The following AGBL4 variants were observed in gnomAD, a reference collection of about 807,000 sequenced individuals.
The protein encoded by AGBL4 is AGBL carboxypeptidase 4.
In AGBL4, 58 loss-of-function variants were observed where a neutral mutation model predicts 66.4. The observed-to-expected ratio is 0.87, with a 90% CI of 0.71 to 1.09. The LOEUF (loss-of-function observed/expected upper bound fraction) is 1.09, where lower values mean the gene tolerates loss of function less well. Ranked by LOEUF, AGBL4 falls within the 50% of genes least tolerant of loss-of-function variation. AGBL4 has a pLI of 0.00. For synonymous variants in AGBL4, 234 were observed against 222.9 expected (o/e 1.05, Z -0.44); for missense variants, 579 against 631.0 (o/e 0.92, Z 0.88).
At chr1:48,935,996 G>C (rs55662203) in intron 5 of AGBL4, among the ~76,000 whole-genome samples, 57 of 43,536 alleles carry the variant, frequency 1.3e-3, no homozygotes, top group Admixed American at 4.7e-3. Context: ...AAAAAAAAAA[G>C]ATACAAGATG....
chr1:48,633,033 G>A (rs534191520), intron 9 of AGBL4, among the ~76,000 whole-genome samples: 1 of 152,268 alleles, frequency 6.6e-6, no homozygotes, highest in South Asian at 2.1e-4. Context: ...TGGATTTGGT[G>A]AGCACAGTTC....
intron 6 of AGBL4, among the ~76,000 whole-genome samples, chr1:48,721,988 T>C (rs1263917944): frequency 2.6e-5 from 4 of 152,202 alleles, no homozygotes; most frequent in Non-Finnish European, 5.9e-5. Context: ...AATGGAATTA[T>C]GTTACAGTTT....
At chr1:49,310,806 TAAAA>T (rs902638258) in intron 3 of AGBL4, among the ~76,000 whole-genome samples, 1 of 150,850 alleles carries the variant, frequency 6.6e-6, no homozygotes, top group East Asian at 1.9e-4. Flanking sequence ...TTATTCTAAG[TAAAA>T]AAAAACTCAA....
At chr1:49,510,206 A>T (rs1021944522) in intron 3 of AGBL4, among the ~76,000 whole-genome samples, 2 of 152,022 alleles carry the variant, frequency 1.3e-5, no homozygotes, top group African/African-American at 4.8e-5. Flanking sequence ...CCAACAGTGT[A>T]AAAGTGTTCC....
At position 49,808,319 on chromosome 1, in the gene AGBL4, G is replaced by A. The variant is rs975509030; in HGVS notation, c.157+43077C>T. 3.9e-5 allele frequency among the ~76,000 whole-genome samples: 6 copies of A among 152,076 alleles called. No individual in the cohort carries two copies. In the South Asian group the frequency reaches 6.2e-4, roughly 16 times the overall value. On this transcript the variant is annotated intron_variant, in intron 2 of 13. Coordinates refer to ENST00000371839, the MANE Select transcript of AGBL4 (RefSeq NM_032785.4). ...AATTTGGATTTCTTGTTTGAGTGAC[G>A]GGGTGGATGAGGATGTCTATAGATT...
chr1:49,793,160 G>C (rs986716579), intron 2 of AGBL4, among the ~76,000 whole-genome samples: 18 of 151,902 alleles, frequency 1.2e-4, no homozygotes, highest in African/African-American at 4.3e-4. Flanking sequence ...AAAAATATCA[G>C]ATCTATGAGA....
intron 3 of AGBL4, among the ~76,000 whole-genome samples, chr1:49,364,222 A>C (rs1644198309): frequency 6.6e-6 from 1 of 152,190 alleles, no homozygotes; most frequent in East Asian, 1.9e-4. Flanking sequence ...AAATACATTT[A>C]GTGTATATGC....
chr1:49,486,941 TA>T (rs1199934306), intron 3 of AGBL4, among the ~76,000 whole-genome samples: 1 of 151,958 alleles, frequency 6.6e-6, no homozygotes, highest in African/African-American at 2.4e-5. Flanking sequence ...GACATAACTA[TA>T]AAAGAAATGC....
At chr1:49,546,228 C>T (rs185153038) in intron 3 of AGBL4, among the ~76,000 whole-genome samples, 2 of 151,924 alleles carry the variant, frequency 1.3e-5, no homozygotes, top group East Asian at 1.9e-4. Flanking sequence ...TTTTTTATGG[C>T]TGAGTAGTAT....
At chr1:48,988,159 C>T (rs1660319101) in intron 5 of AGBL4, among the ~76,000 whole-genome samples, 1 of 152,064 alleles carries the variant, frequency 6.6e-6, no homozygotes, top group Non-Finnish European at 1.5e-5. Flanking sequence ...ATGGAACCTA[C>T]CTCTACCGTT....
At chr1:48,786,094 A>G (rs140887772) in intron 6 of AGBL4, among the ~76,000 whole-genome samples, 106 of 152,276 alleles carry the variant, frequency 7.0e-4, no homozygotes, top group African/African-American at 2.3e-3. Flanking sequence ...AGGTTAAGTC[A>G]TCTCAGAAGT....
intron 1 of AGBL4, among the ~76,000 whole-genome samples, chr1:49,914,061 T>G (rs539745806): frequency 6.6e-6 from 1 of 152,218 alleles, no homozygotes; most frequent in South Asian, 2.1e-4. Flanking sequence ...CTTCTAGCCA[T>G]GGTAATCTCT....
rs544214410 is a variant in AGBL4, at chr1:49,825,329, T to C, written c.157+26067A>G. 4.6e-5 allele frequency among the ~76,000 whole-genome samples: 7 copies of C among 151,956 alleles called. No homozygotes were observed. In the South Asian group the frequency reaches 1.5e-3, roughly 32 times the overall value. On this transcript the variant is annotated intron_variant, in intron 2 of 13. Coordinates refer to ENST00000371839, the MANE Select transcript of AGBL4 (RefSeq NM_032785.4). Reference sequence around the variant, plus strand: ...AGGAATAGGACACAAGAAGAAGGAGTAGGAAGGGGACAAAAAATTTATGTT... The same window carrying C: ...AGGAATAGGACACAAGAAGAAGGAGCAGGAAGGGGACAAAAAATTTATGTT...
chr1:48,711,333 G>A (rs1410160843), intron 6 of AGBL4, among the ~76,000 whole-genome samples: 2 of 152,198 alleles, frequency 1.3e-5, no homozygotes, highest in Non-Finnish European at 2.9e-5. Flanking sequence ...AACTGAACAA[G>A]TGCTTTAATG....
chr1:49,524,455 G>T (rs989751123), intron 3 of AGBL4, among the ~76,000 whole-genome samples: 9 of 152,020 alleles, frequency 5.9e-5, no homozygotes, highest in Non-Finnish European at 1.2e-4. Context: ...GTAGGAGCAG[G>T]ATCATTTTAA....
At chr1:49,861,613 T>C (rs2148086054) in intron 1 of AGBL4, among the ~76,000 whole-genome samples, 1 of 152,256 alleles carries the variant, frequency 6.6e-6, no homozygotes, top group South Asian at 2.1e-4. Flanking sequence ...TCTGATAGAA[T>C]TCTGAATTCC....
intron 3 of AGBL4, among the ~76,000 whole-genome samples, chr1:49,452,219 C>T (rs919887056): frequency 1.3e-5 from 2 of 151,894 alleles, no homozygotes; most frequent in African/African-American, 2.4e-5. Context: ...GAGTCCATTT[C>T]CTCCATCCCA....
intron 9 of AGBL4, among the ~76,000 whole-genome samples, chr1:48,603,967 C>A (rs1179520909): frequency 6.6e-6 from 1 of 151,826 alleles, no homozygotes; most frequent in Non-Finnish European, 1.5e-5. Flanking sequence ...ACAACAACAA[C>A]AACAACAAAA....
At chr1:49,497,608 C>A (rs1591725) in intron 3 of AGBL4, among the ~76,000 whole-genome samples, 91,804 of 151,718 alleles carry the variant, frequency 0.61, 28,539 homozygotes, top group Non-Finnish European at 0.67. Context: ...ATGTGGATAT[C>A]CAGTTTTCCC....
Sources: allele counts gnomAD v4.1 joint callset (sites outside exome capture counted in the v4.1 genomes callset), GRCh38; gene constraint gnomAD v4.1.1; transcripts MANE v1.5; gene names NCBI Gene and HGNC (gene_info 2026-07-23, HGNC 2026-07-21).